The following TTLL5 variants were observed in gnomAD, a reference collection of about 807,000 sequenced individuals.
TTLL5 encodes the protein tubulin tyrosine ligase like 5, also known as tubulin polyglutamylase TTLL5.
TTLL5 carries 132 observed loss-of-function variants against 168.4 expected under a neutral mutation model. The observed-to-expected ratio is 0.78, with a 90% CI of 0.68 to 0.91. The LOEUF is 0.91. Among genes scored for constraint, TTLL5 ranks in the 40% least tolerant of loss-of-function variants. The probability of loss-of-function intolerance (pLI) is 0.00; values close to 1 mark genes in which losing one functional copy is unlikely to be tolerated. For synonymous variants in TTLL5, 546 were observed against 558.6 expected (o/e 0.98, Z 0.32); for missense variants, 1,545 against 1,581.5 (o/e 0.98, Z 0.39).
chr14:75,847,463 T>C (rs1896606666), intron 28 of TTLL5, among the ~76,000 whole-genome samples: 1 of 149,056 alleles, frequency 6.7e-6, no homozygotes, highest in South Asian at 2.1e-4. Context: ...TAAGAAATAA[T>C]AGTAACAATA....
chr14:75,723,738 C>G (rs1180916551), intron 12 of TTLL5, among the ~76,000 whole-genome samples: 1 of 152,122 alleles, frequency 6.6e-6, no homozygotes, highest in Non-Finnish European at 1.5e-5. Context: ...TGAAATACCC[C>G]TTAAGTCCAT....
intron 31 of TTLL5, among the ~76,000 whole-genome samples, chr14:75,929,761 C>G (rs1273518423): frequency 6.6e-6 from 1 of 152,128 alleles, no homozygotes; most frequent in African/African-American, 2.4e-5. Flanking sequence ...CCAAAGATAC[C>G]TATTTTTCAC....
At chr14:75,843,963 G>A (rs576930837) in intron 28 of TTLL5, among the ~76,000 whole-genome samples, 13 of 150,890 alleles carry the variant, frequency 8.6e-5, no homozygotes, top group Admixed American at 3.3e-4. Context: ...GCATGATCTC[G>A]GCTCACTGCA....
At position 75,707,026 on chromosome 14, in the gene TTLL5, G is replaced by T; in HGVS notation, c.594G>T (p.Gln198His). 5.0e-6 allele frequency: 8 copies of T among 1,609,472 alleles called. No individual in the cohort carries two copies. Among genetic ancestry groups the T allele is most frequent in the Non-Finnish European group, 6.8e-6 (8 of 1,177,136 alleles). The change falls in exon 8 of 32, where the codon CAG (glutamine) becomes CAT (histidine). Residue 198 changes from glutamine (Q) to histidine (H), a missense_variant. Physicochemically the swap from Gln to His is conservative, Grantham distance 24 (BLOSUM62 0). Transcript: ENST00000298832. ...RGVYLINNPNQISLEENILVS... is the reference protein window; with the variant it reads ...RGVYLINNPNHISLEENILVS... ...TTCTCTTTACTCAATAGCCAAACCA[G>T]ATCTCCCTGGAAGAGAACATTTTGG...
intron 26 of TTLL5, among the ~76,000 whole-genome samples, chr14:75,784,882 A>G (rs913073024): frequency 1.1e-4 from 17 of 152,078 alleles, no homozygotes; most frequent in African/African-American, 3.9e-4. Context: ...ATTTTTGTAT[A>G]TCTTCTTTGG....
intron 12 of TTLL5, among the ~76,000 whole-genome samples, chr14:75,725,677 A>G (rs577142829): frequency 1.3e-5 from 2 of 152,298 alleles, no homozygotes; most frequent in East Asian, 3.9e-4. Context: ...GGCATGCCCC[A>G]TATCCTGGAT....
At position 75,779,579 on chromosome 14, in the gene TTLL5, G is replaced by A. The variant is rs1891924879; in HGVS notation, c.2392G>A (p.Ala798Thr). Reference sequence around the variant, plus strand: ...TACTTTTTCTCCTCATTTCAGTGAGGCTGAACTGGAGGAGGTGTTGACTTT... The same window carrying A: ...TACTTTTTCTCCTCATTTCAGTGAGACTGAACTGGAGGAGGTGTTGACTTT... ...FQEFIRQASE[A>T]ELEEVLTFYT... is the part of the protein sequence containing the mutation. The change falls in exon 24 of 32, where the codon GCT (alanine) becomes ACT (threonine). Residue 798 changes from alanine to threonine, a missense_variant. Ala to Thr is a moderately conservative substitution (Grantham distance 58). Transcript: ENST00000298832. 2 of 1,613,340 alleles carry A rather than the reference G, an allele frequency of 1.2e-6. No homozygotes were observed. The highest frequency in any genetic ancestry group is 1.7e-4 in the Middle Eastern group (1 of 6,058).
rs548609277 is a variant in TTLL5, at chr14:75,848,076, AG to A, written c.3327-15589del. On this transcript the variant is annotated intron_variant, in intron 28 of 31. Transcript: ENST00000298832. ...TACAGGTGGAGAAGGTTTAAAAAAAAGGTGGAGTTTTGGAGTTGTCTCCTAT... is the reference window on the plus strand; with the variant it reads ...TACAGGTGGAGAAGGTTTAAAAAAAAGTGGAGTTTTGGAGTTGTCTCCTAT... Among the ~76,000 whole-genome samples the A allele has an allele frequency of 2.2e-3, 329 of 151,970 alleles. 3 individuals carry two copies. The highest frequency in any genetic ancestry group is 7.7e-3 in the African/African-American group (320 of 41,334).
chr14:75,932,738 C>T (rs1051500911), intron 31 of TTLL5, among the ~76,000 whole-genome samples: 8 of 152,136 alleles, frequency 5.3e-5, no homozygotes, highest in African/African-American at 1.4e-4. Context: ...AATGGAAATA[C>T]GTTCATTTAG....
At chr14:75,777,343 T>G (rs764180536) in intron 23 of TTLL5, among the ~76,000 whole-genome samples, 12 of 152,226 alleles carry the variant, frequency 7.9e-5, no homozygotes, top group Non-Finnish European at 1.8e-4. Context: ...GGAGTAGAAA[T>G]GACCACATTT....
intron 26 of TTLL5, among the ~76,000 whole-genome samples, chr14:75,786,198 A>G (rs1892351732): frequency 6.6e-6 from 1 of 152,142 alleles, no homozygotes; most frequent in South Asian, 2.1e-4. Context: ...CTTGTGATTT[A>G]ATTTTCTAAA....
At chr14:75,863,622 C>A in intron 28 of TTLL5, 45 bp from the exon 29 acceptor site, 2 of 1,529,906 alleles carry the variant, frequency 1.3e-6, no homozygotes, top group Middle Eastern at 2.4e-4. Flanking sequence ...CTAGATTGTT[C>A]ATACAGCCAC....
At chr14:75,912,433 G>A (rs1180500091) in intron 31 of TTLL5, among the ~76,000 whole-genome samples, 1 of 152,176 alleles carries the variant, frequency 6.6e-6, no homozygotes, top group African/African-American at 2.4e-5. Flanking sequence ...GTACAGCATA[G>A]CCTTTTCATG....
intron 27 of TTLL5, among the ~76,000 whole-genome samples, chr14:75,813,734 A>G (rs973479235): frequency 1.3e-5 from 2 of 151,746 alleles, no homozygotes; most frequent in East Asian, 1.9e-4. Context: ...ACACAGACTT[A>G]TAAGCTTCTT....
intron 18 of TTLL5, among the ~76,000 whole-genome samples, chr14:75,760,706 G>A (rs755105600): frequency 6.6e-6 from 1 of 151,912 alleles, no homozygotes; most frequent in Non-Finnish European, 1.5e-5. Flanking sequence ...AATGAGGATG[G>A]AACAACTGAA....
In TTLL5 at chr14:75,720,609, T is replaced by C. The variant is rs1168359076; in HGVS notation, c.948T>C (p.His316=). The C allele has an allele frequency of 6.2e-7, 1 of 1,613,332 alleles. No homozygotes were observed. Among genetic ancestry groups the C allele is most frequent in the African/African-American group, 1.3e-5 (1 of 74,896 alleles). The change falls in exon 12 of 32, where the codon CAT becomes CAC. Residue 316 remains histidine, a synonymous_variant. Coordinates refer to ENST00000298832, the MANE Select transcript of TTLL5 (RefSeq NM_015072.5). ...EGRDTTALMA[H]VEDLIIKTII... ...TTTTGTTTGCAGCATTGATGGCCCA[T>C]GTAGAAGACCTGATCATTAAGACTA...
Position 75,925,254 on chromosome 14 carries a change from G to A in TTLL5, c.3823+23030G>A, listed in dbSNP as rs1395501643. ...GGGGGCTGACCCCCACCTCCCTCCC[G>A]GACGGGGTGGCTGCCGGGCGGAGGG... On this transcript the variant is annotated intron_variant, in intron 31 of 31. Transcript: ENST00000298832. 3.4e-4 allele frequency among the ~76,000 whole-genome samples: 51 copies of A among 150,550 alleles called. 2 individuals carry two copies. In the South Asian group the frequency reaches 4.4e-3, roughly 13 times the overall value.
rs145481093 is a variant in TTLL5 at position 75,783,538 on chromosome 14, A to G, written c.2986+8A>G. 6.2e-7 allele frequency: 1 copy of G among 1,610,782 alleles called. No homozygotes were observed. The highest frequency in any genetic ancestry group is 8.5e-7 in the Non-Finnish European group (1 of 1,177,608). On this transcript the variant is annotated splice_region_variant and intron_variant, in intron 26 of 31. Transcript: ENST00000298832. ...CCTCTTCAGCAAAGGCAGGTGAGTG[A>G]GAGAACGAAAGACAGTCCACAATGT...
At chr14:75,709,712 C>G (rs1268069557) in intron 9 of TTLL5, 1 of 153,938 alleles carries the variant, frequency 6.5e-6, no homozygotes, top group African/African-American at 2.4e-5. Flanking sequence ...CTATTCCTGG[C>G]CAGGCGTGGT....
Sources: gnomAD v4.1 joint callset for allele counts (sites outside exome capture counted in the v4.1 genomes callset) on GRCh38, gnomAD v4.1.1 for gene constraint, MANE v1.5 for transcripts, NCBI Gene and HGNC (gene_info 2026-07-23, HGNC 2026-07-21) for gene names.